ULK4: variants seen among roughly 807,000 people sequenced by gnomAD.
ULK4 encodes the protein inactive serine/threonine-protein kinase ULK4.
ULK4 carries 133 observed loss-of-function variants against 160.6 expected under a neutral mutation model. The observed-to-expected ratio is 0.83, with a 90% CI of 0.72 to 0.96. The LOEUF is 0.96. Ranked by LOEUF, ULK4 falls within the 40% of genes least tolerant of loss-of-function variation. The pLI is 0.00. For missense variants in ULK4, 1,580 were observed against 1,499.5 expected (o/e 1.05, Z -0.89); for synonymous variants, 534 against 539.8 (o/e 0.99, Z 0.15).
At chr3:41,731,406 C>A (rs2125865344) in intron 22 of ULK4, among the ~76,000 whole-genome samples, 1 of 151,918 alleles carries the variant, frequency 6.6e-6, no homozygotes, top group East Asian at 1.9e-4. Flanking sequence ...AAAAAATTCT[C>A]TTAATATGTT....
intron 36 of ULK4, among the ~76,000 whole-genome samples, 161 bp downstream of exon 36, chr3:41,249,328 G>T (rs1483544696): frequency 6.6e-6 from 1 of 152,206 alleles, no homozygotes; most frequent in Non-Finnish European, 1.5e-5. Flanking sequence ...GAGTGGCAGA[G>T]CTTCCCTTCC....
chr3:41,449,667 C>A (rs1367204161), intron 34 of ULK4, among the ~76,000 whole-genome samples: 1 of 152,018 alleles, frequency 6.6e-6, no homozygotes, highest in Admixed American at 6.6e-5. Flanking sequence ...ACAAGTCCAC[C>A]ACCATTTGAA....
intron 32 of ULK4, among the ~76,000 whole-genome samples, chr3:41,536,829 T>A (rs2086516640): frequency 6.7e-6 from 1 of 150,238 alleles, no homozygotes; most frequent in Non-Finnish European, 1.5e-5. Flanking sequence ...GCACACTCAG[T>A]GTAACTTTAC....
At chr3:41,828,085 G>C (rs1440055124) in intron 18 of ULK4, among the ~76,000 whole-genome samples, 7 of 149,022 alleles carry the variant, frequency 4.7e-5, no homozygotes, top group Non-Finnish European at 3.0e-5. Context: ...AAAGGCCTTT[G>C]ACAAAATTCA....
chr3:41,519,660 T>C (rs924950526), intron 32 of ULK4, among the ~76,000 whole-genome samples: 1 of 152,134 alleles, frequency 6.6e-6, no homozygotes, highest in Admixed American at 6.5e-5. Flanking sequence ...TAAGACACAG[T>C]GCGCACACGA....
Position 41,681,603 on chromosome 3 carries a change from T to C in ULK4, c.2883A>G (p.Leu961=), listed in dbSNP as rs1237954513. The change falls in exon 29 of 37, where the codon CTA becomes CTG. Residue 961 remains leucine, a synonymous_variant. Coordinates refer to ENST00000301831, the MANE Select transcript of ULK4 (RefSeq NM_017886.4). ...SLRLLSETTS[L]LVNQEFGDGK... ...CATCCCCAAACTCCTGGTTCACGAG[T>C]AGAGATGTGGTTTCTGAGAGCAACC... 19 of 1,613,442 alleles carry C rather than the reference T, an allele frequency of 1.2e-5. No homozygotes were observed. The highest frequency in any genetic ancestry group is 1.4e-5 in the Non-Finnish European group (17 of 1,179,932).
At chr3:41,769,882 C>CTCAAGGGGT (rs2039295833) in intron 21 of ULK4, among the ~76,000 whole-genome samples, 1 of 152,110 alleles carries the variant, frequency 6.6e-6, no homozygotes, top group Non-Finnish European at 1.5e-5. Flanking sequence ...AGCTAAAAAT[C>CTCAAGGGGT]AATATGTATA....
At chr3:41,945,723 G>A (rs902598532) in intron 2 of ULK4, among the ~76,000 whole-genome samples, 1 of 152,078 alleles carries the variant, frequency 6.6e-6, no homozygotes, top group African/African-American at 2.4e-5. Flanking sequence ...CTGATGAACT[G>A]CCTAAACTGC....
chr3:41,911,549 A>G lies in ULK4; in HGVS notation c.1007T>C (p.Phe336Ser). 2 of 1,613,276 alleles carry G rather than the reference A, an allele frequency of 1.2e-6. No individual in the cohort carries two copies. Among genetic ancestry groups the G allele is most frequent in the Non-Finnish European group, 1.7e-6 (2 of 1,179,384 alleles). The change falls in exon 10 of 37, where the codon TTC (phenylalanine) becomes TCC (serine). Residue 336 changes from phenylalanine (F) to serine (S), a missense_variant. By Grantham distance (155) the Phe-to-Ser change is radical. Coordinates refer to ENST00000301831, the MANE Select transcript of ULK4 (RefSeq NM_017886.4). Reference protein sequence around the residue: ...HKSGQPLGHSFRLENPTEFRP... With the variant: ...HKSGQPLGHSSRLENPTEFRP... ...GCTCAAATAAAACTTACCTAGTCTG[A>G]AAGAGTGACCTAGTGGTTGACCACT...
chr3:41,424,273 T>G (rs2082727645), intron 34 of ULK4, among the ~76,000 whole-genome samples: 3 of 152,176 alleles, frequency 2.0e-5, no homozygotes, highest in Admixed American at 1.3e-4. Context: ...CTGATCTCCC[T>G]GGGACTGAGC....
At chr3:41,707,271 AAAACAAAGGGGT>A (rs1158911389) in intron 25 of ULK4, among the ~76,000 whole-genome samples, 1 of 152,170 alleles carries the variant, frequency 6.6e-6, no homozygotes, top group African/African-American at 2.4e-5. Flanking sequence ...CAACTAGAGA[AAAACAAAGGGGT>A]AAACCTCCAT....
intron 34 of ULK4, among the ~76,000 whole-genome samples, chr3:41,422,685 A>G (rs1418334605): frequency 1.3e-5 from 2 of 152,174 alleles, no homozygotes; most frequent in African/African-American, 4.8e-5. Flanking sequence ...AGACTCAGAA[A>G]ATGTAGTGCT....
At chr3:41,321,116 G>A (rs1463886562) in intron 35 of ULK4, among the ~76,000 whole-genome samples, 1 of 151,952 alleles carries the variant, frequency 6.6e-6, no homozygotes, top group African/African-American at 2.4e-5. Flanking sequence ...CCCCGGGAAG[G>A]TGCTTCCTCC....
rs779037920 is a variant in ULK4, at chr3:41,938,094, T to C, written c.238+4A>G. The C allele has an allele frequency of 6.3e-7, 1 of 1,599,220 alleles. No individual in the cohort carries two copies. Among genetic ancestry groups the C allele is most frequent in the Non-Finnish European group, 8.5e-7 (1 of 1,171,822 alleles). ...CATAGCACTTTTTACATACTCTTTC[T>C]TACCTGTGCAGAGTTCCACCACTAG... On this transcript the variant is annotated splice_donor_region_variant and intron_variant, in intron 3 of 36. Coordinates refer to ENST00000301831, the MANE Select transcript of ULK4 (RefSeq NM_017886.4).
chr3:41,516,026 T>C (rs972042519), intron 32 of ULK4, among the ~76,000 whole-genome samples: 3 of 152,196 alleles, frequency 2.0e-5, no homozygotes, highest in Non-Finnish European at 4.4e-5. Flanking sequence ...CACTAAATTG[T>C]ATGCTTAAAA....
chr3:41,952,887 G>A (rs1199172649), intron 2 of ULK4, among the ~76,000 whole-genome samples: 3 of 152,070 alleles, frequency 2.0e-5, no homozygotes, highest in South Asian at 2.1e-4. Context: ...TTAAAAAGGA[G>A]GAAATTCTAA....
chr3:41,389,360 T>C (rs1336053219), intron 35 of ULK4, among the ~76,000 whole-genome samples: 1 of 152,206 alleles, frequency 6.6e-6, no homozygotes, highest in Non-Finnish European at 1.5e-5. Context: ...GAATGCCCTT[T>C]ATTTCCTTCT....
At chr3:41,293,112 T>TA (rs951756967) in intron 35 of ULK4, among the ~76,000 whole-genome samples, 1 of 151,844 alleles carries the variant, frequency 6.6e-6, no homozygotes, top group Non-Finnish European at 1.5e-5. Flanking sequence ...AGGCTCCATC[T>TA]AAAAAAGAAT....
chr3:41,591,048 T>C (rs935213900), intron 31 of ULK4, among the ~76,000 whole-genome samples: 2 of 151,720 alleles, frequency 1.3e-5, no homozygotes, highest in Non-Finnish European at 2.9e-5. Context: ...CCAAGACTAA[T>C]CATAATCAGA....
Sources: gnomAD v4.1 joint callset for allele counts (sites outside exome capture counted in the v4.1 genomes callset) on GRCh38, gnomAD v4.1.1 for gene constraint, MANE v1.5 for transcripts, NCBI Gene and HGNC (gene_info 2026-07-23, HGNC 2026-07-21) for gene names.